Variants in ZMYND11 observed in about 807,000 individuals in gnomAD.
ZMYND11 encodes zinc finger MYND domain-containing protein 11.
A neutral mutation model predicts 84.9 loss-of-function variants in ZMYND11; 9 were observed. That is an observed-to-expected ratio of 0.11 (90% CI 0.06 to 0.18). The LOEUF (loss-of-function observed/expected upper bound fraction) is 0.18. ZMYND11 is among the 10% of genes least tolerant of loss of function. ZMYND11 has a pLI of 1.00. For missense variants in ZMYND11, 409 were observed against 761.0 expected, an observed-to-expected ratio of 0.54 and a Z score of 5.44; for synonymous variants, 250 against 244.1, an observed-to-expected ratio of 1.02 and a Z score of -0.23.
intron 2 of ZMYND11, among the ~76,000 whole-genome samples, chr10:206,618 A>G (rs1030790015): frequency 3.3e-5 from 5 of 152,092 alleles, no homozygotes; most frequent in African/African-American, 4.8e-5. Context: ...TTTAGGTAGC[A>G]TTTTTATGAT....
At chr10:236,769 CTT>C in intron 4 of ZMYND11, 67 bp from the exon 5 acceptor site, 1 of 1,363,402 alleles carries the variant, frequency 7.3e-7, no homozygotes, top group East Asian at 2.4e-5. Context: ...TCATATATGT[CTT>C]TTACATGAAT....
rs1443899263 is a variant in ZMYND11, at chr10:207,900, C to T, written c.117-1989C>T. Among the ~76,000 whole-genome samples, 8 of 152,218 alleles carry T rather than the reference C, an allele frequency of 5.3e-5. No individual in the cohort carries two copies. The South Asian group carries it at 1.2e-3, about 24-fold the overall frequency. On this transcript the variant is annotated intron_variant, in intron 2 of 14. Coordinates refer to ENST00000381604, the MANE Select transcript of ZMYND11 (RefSeq NM_001370100.5). ...CACGCTACCTGACTTCAAACTATAC[C>T]ACAAGGCTACAGTAACCAAAACAGC...
intron 3 of ZMYND11, 26 bp from the exon 4 acceptor site, chr10:221,169 C>G: frequency 6.2e-7 from 1 of 1,607,048 alleles, no homozygotes; most frequent in Non-Finnish European, 8.5e-7. Flanking sequence ...AAATGTCATA[C>G]AAAACTATTT....
intron 2 of ZMYND11, among the ~76,000 whole-genome samples, chr10:190,699 C>G (rs999161348): frequency 6.6e-6 from 1 of 152,186 alleles, no homozygotes; most frequent in Admixed American, 6.5e-5. Flanking sequence ...CAGCGTCTCC[C>G]TACTCAGTGT....
intron 2 of ZMYND11, among the ~76,000 whole-genome samples, chr10:186,977 C>G (rs1938749513): frequency 1.3e-5 from 2 of 152,032 alleles, no homozygotes; most frequent in Admixed American, 1.3e-4. Context: ...CCTGAAATGC[C>G]AGCATTTTTG....
At chr10:153,818 A>C (rs1840999008) in intron 1 of ZMYND11, among the ~76,000 whole-genome samples, 3 of 152,194 alleles carry the variant, frequency 2.0e-5, no homozygotes, top group African/African-American at 7.2e-5. Context: ...AAAACAAGCC[A>C]GTTTCTTCCA....
At chr10:213,363 T>G (rs899050750) in intron 3 of ZMYND11, among the ~76,000 whole-genome samples, 1 of 152,174 alleles carries the variant, frequency 6.6e-6, no homozygotes. Context: ...CTTTATAGTT[T>G]TACCACCTTA....
chr10:141,019 G>A (rs1837380433), intron 1 of ZMYND11, among the ~76,000 whole-genome samples: 1 of 152,234 alleles, frequency 6.6e-6, no homozygotes. Flanking sequence ...TCAGAGATGA[G>A]AGGGATATGT....
intron 4 of ZMYND11, among the ~76,000 whole-genome samples, chr10:222,519 C>G (rs567849383): frequency 1.3e-5 from 2 of 152,136 alleles, no homozygotes; most frequent in African/African-American, 4.8e-5. Context: ...TCTTTGAGGT[C>G]TACAAGAATG....
intron 4 of ZMYND11, among the ~76,000 whole-genome samples, chr10:223,029 A>G (rs1424538155): frequency 4.7e-5 from 3 of 64,278 alleles, no homozygotes; most frequent in Non-Finnish European, 8.5e-5. Flanking sequence ...TGTTTCCTTT[A>G]CTCTTTTTTT....
rs531484735 is a variant in ZMYND11 at position 226,315 on chromosome 10, A to G, written c.438+4959A>G. 8.7e-4 allele frequency among the ~76,000 whole-genome samples: 132 copies of G among 152,294 alleles called. 1 individual carries two copies. Among genetic ancestry groups the G allele is most frequent in the African/African-American group, 3.1e-3 (128 of 41,566 alleles). ...ATCTGATAGTGTTGCTTTTGCTCTA[A>G]TGCCTCATAAAAAGTCTGTCAGCAG... On this transcript the variant is annotated intron_variant, in intron 4 of 14. Transcript: ENST00000381604.
intron 1 of ZMYND11, among the ~76,000 whole-genome samples, chr10:143,071 C>G (rs569997978): frequency 6.6e-6 from 1 of 152,320 alleles, no homozygotes; most frequent in East Asian, 1.9e-4. Context: ...AAGTCATTGT[C>G]TTGAGGAATC....
intron 1 of ZMYND11, among the ~76,000 whole-genome samples, chr10:178,020 G>T (rs1303770902): frequency 6.6e-6 from 1 of 152,058 alleles, no homozygotes; most frequent in Non-Finnish European, 1.5e-5. Context: ...ATCTTTTAAA[G>T]AAATTAAGAA....
chr10:247,145 G>A (rs1952318983), intron 11 of ZMYND11, 172 bp downstream of exon 11: 2 of 789,068 alleles, frequency 2.5e-6, no homozygotes, highest in Non-Finnish European at 4.0e-6. Flanking sequence ...ATACATAGAT[G>A]TAACAATCAA....
At chr10:192,873 A>G (rs540288487) in intron 2 of ZMYND11, among the ~76,000 whole-genome samples, 1 of 151,830 alleles carries the variant, frequency 6.6e-6, no homozygotes, top group Non-Finnish European at 1.5e-5. Flanking sequence ...CTTGTTTTCC[A>G]CTGGGATATT....
At chr10:198,777 G>T (rs768564193) in intron 2 of ZMYND11, among the ~76,000 whole-genome samples, 8 of 152,156 alleles carry the variant, frequency 5.3e-5, no homozygotes, top group Non-Finnish European at 8.8e-5. Context: ...ACTCCCATGT[G>T]AGTGTTTTTA....
intron 1 of ZMYND11, among the ~76,000 whole-genome samples, chr10:163,591 T>G (rs1843370513): frequency 2.0e-5 from 3 of 152,218 alleles, no homozygotes; most frequent in Non-Finnish European, 4.4e-5. Context: ...GATAAAATTC[T>G]ATTTCTAACT....
intron 5 of ZMYND11, 55 bp downstream of exon 5, chr10:236,970 T>C: frequency 6.6e-7 from 1 of 1,505,000 alleles, no homozygotes. Context: ...TTTACTATGG[T>C]TCATTCTTTC....
At chr10:157,908 G>C (rs1842070865) in intron 1 of ZMYND11, among the ~76,000 whole-genome samples, 1 of 152,114 alleles carries the variant, frequency 6.6e-6, no homozygotes, top group Admixed American at 6.5e-5. Flanking sequence ...GCACCTTCCA[G>C]TTTTTCTGTG....
Sources: gnomAD v4.1 joint callset for allele counts (sites outside exome capture counted in the v4.1 genomes callset) on GRCh38, gnomAD v4.1.1 for gene constraint, MANE v1.5 for transcripts, NCBI Gene and HGNC (gene_info 2026-07-23, HGNC 2026-07-21) for gene names.